The following PDLIM5 variants were observed in gnomAD, a reference collection of about 807,000 sequenced individuals.
The protein encoded by PDLIM5 is PDZ and LIM domain 5.
In PDLIM5, 34 loss-of-function variants were observed where a neutral mutation model predicts 64.2. The observed-to-expected ratio is 0.53, with a 90% CI of 0.40 to 0.71. PDLIM5 has a LOEUF of 0.71. PDLIM5 is among the 30% of genes least tolerant of loss of function. The probability of loss-of-function intolerance (pLI) is 0.00; values close to 1 mark genes in which losing one functional copy is unlikely to be tolerated. For synonymous variants in PDLIM5, 253 were observed against 269.1 expected, an observed-to-expected ratio of 0.94 and a Z score of 0.59; for missense variants, 683 against 733.6, an observed-to-expected ratio of 0.93 and a Z score of 0.80.
chr4:94,455,968 G>A (rs1723309625), intron 2 of PDLIM5: 5 of 1,484,938 alleles, frequency 3.4e-6, no homozygotes, highest in Admixed American at 2.3e-5. Flanking sequence ...TAGTTTGAAT[G>A]TATTCTGTGT....
chr4:94,616,459 C>T lies in PDLIM5; in HGVS notation c.921-1545C>T, dbSNP rs142037213. On this transcript the variant is annotated intron_variant, in intron 7 of 12. Coordinates refer to ENST00000317968, the MANE Select transcript of PDLIM5 (RefSeq NM_006457.5). ...AATGTTACTCGGTACACTTAAAGTACAGGTAACTGAGGCTTAGAGATGTAA... is the reference window on the plus strand; with the variant it reads ...AATGTTACTCGGTACACTTAAAGTATAGGTAACTGAGGCTTAGAGATGTAA... 3.5e-4 allele frequency among the ~76,000 whole-genome samples: 54 copies of T among 152,224 alleles called. 1 individual carries two copies. The East Asian group carries it at 0.01, about 29-fold the overall frequency.
rs574228041 is a variant in PDLIM5 at position 94,481,989 on chromosome 4, T to C, written c.96+26605T>C. Among the ~76,000 whole-genome samples, 5 of 152,286 alleles carry C rather than the reference T, an allele frequency of 3.3e-5. No homozygotes were observed. In the East Asian group the frequency reaches 7.7e-4, roughly 24 times the overall value. ...ATGCCTTGTCTGTGCTGGATTTCTTTAAATTTGGTACCAATTTACAGTAAT... is the reference window on the plus strand; with the variant it reads ...ATGCCTTGTCTGTGCTGGATTTCTTCAAATTTGGTACCAATTTACAGTAAT... On this transcript the variant is annotated intron_variant, in intron 2 of 12. Coordinates refer to ENST00000317968, the MANE Select transcript of PDLIM5 (RefSeq NM_006457.5).
chr4:94,581,785 C>T (rs1735753697), intron 5 of PDLIM5, among the ~76,000 whole-genome samples: 1 of 152,172 alleles, frequency 6.6e-6, no homozygotes, highest in Non-Finnish European at 1.5e-5. Flanking sequence ...TCTTTTCTAT[C>T]CCTACTGTAA....
At chr4:94,611,518 A>G (rs1246736656) in intron 7 of PDLIM5, among the ~76,000 whole-genome samples, 2 of 152,242 alleles carry the variant, frequency 1.3e-5, no homozygotes, top group South Asian at 4.1e-4. Flanking sequence ...ATATAGCTAT[A>G]TTAGAATCCT....
chr4:94,531,515 A>G (rs1730866152), intron 3 of PDLIM5, among the ~76,000 whole-genome samples: 1 of 152,184 alleles, frequency 6.6e-6, no homozygotes, highest in Non-Finnish European at 1.5e-5. Flanking sequence ...GCGATAGCTG[A>G]TGAGCTTAAA....
At chr4:94,655,985 C>T (rs1435235799) in intron 10 of PDLIM5, among the ~76,000 whole-genome samples, 1 of 152,096 alleles carries the variant, frequency 6.6e-6, no homozygotes, top group Non-Finnish European at 1.5e-5. Flanking sequence ...CTGTTTCTTC[C>T]CATTGTCCTT....
At chr4:94,480,561 T>G (rs1725756277) in intron 2 of PDLIM5, among the ~76,000 whole-genome samples, 1 of 152,132 alleles carries the variant, frequency 6.6e-6, no homozygotes, top group African/African-American at 2.4e-5. Context: ...GAGTGAAAAC[T>G]GCAGAGAAGG....
intron 2 of PDLIM5, among the ~76,000 whole-genome samples, chr4:94,466,571 C>CA (rs946860303): frequency 8.2e-4 from 123 of 149,464 alleles, no homozygotes; most frequent in African/African-American, 2.7e-3. Context: ...TTTGTAAAAA[C>CA]AAAAAAAAAA....
chr4:94,569,389 G>A (rs1560709890), intron 3 of PDLIM5, among the ~76,000 whole-genome samples: 4 of 152,074 alleles, frequency 2.6e-5, no homozygotes, highest in South Asian at 2.1e-4. Context: ...GCACAATCTC[G>A]GCTCACTGCA....
intron 2 of PDLIM5, among the ~76,000 whole-genome samples, chr4:94,469,960 A>ATTTTTT (rs34572366): frequency 9.8e-5 from 7 of 71,564 alleles, no homozygotes; most frequent in Admixed American, 4.5e-4. Flanking sequence ...CATTCTTTTA[A>ATTTTTT]TTTTTTTTTT....
intron 7 of PDLIM5, chr4:94,611,041 C>G: frequency 6.6e-7 from 1 of 1,517,124 alleles, no homozygotes; most frequent in Non-Finnish European, 8.8e-7. Context: ...TGATTTTTGA[C>G]TTAAAACTCT....
intron 8 of PDLIM5, among the ~76,000 whole-genome samples, chr4:94,632,881 C>T (rs574012977): frequency 6.6e-6 from 1 of 152,234 alleles, no homozygotes; most frequent in East Asian, 1.9e-4. Flanking sequence ...ATAGCCCTAC[C>T]AACACCTTGA....
chr4:94,490,659 A>G (rs1196777517), intron 2 of PDLIM5, among the ~76,000 whole-genome samples: 1 of 152,118 alleles, frequency 6.6e-6, no homozygotes, highest in Non-Finnish European at 1.5e-5. Flanking sequence ...AATTGTGTAA[A>G]TGTTAAATGA....
At chr4:94,520,750 A>C (rs931150389) in intron 2 of PDLIM5, among the ~76,000 whole-genome samples, 5 of 152,248 alleles carry the variant, frequency 3.3e-5, no homozygotes, top group African/African-American at 1.2e-4. Context: ...TCTTATGAGT[A>C]GGAAGCCTGG....
At chr4:94,640,762 A>G (rs1341656112) in intron 9 of PDLIM5, among the ~76,000 whole-genome samples, 1 of 152,152 alleles carries the variant, frequency 6.6e-6, no homozygotes, top group Non-Finnish European at 1.5e-5. Context: ...ACTCAAAGGG[A>G]CCCTGAAAGT....
intron 9 of PDLIM5, among the ~76,000 whole-genome samples, chr4:94,640,761 G>A (rs1015686045): frequency 6.6e-6 from 1 of 152,020 alleles, no homozygotes; most frequent in Non-Finnish European, 1.5e-5. Flanking sequence ...GACTCAAAGG[G>A]ACCCTGAAAG....
Position 94,610,077 on chromosome 4 carries a change from A to T in PDLIM5, c.921-7927A>T, listed in dbSNP as rs768659708. Reference sequence around the variant, plus strand: ...TATAATGCTTAGATATTAATATGAAATGGTTGCTCTCTTGTATTTATTATG... The same window carrying T: ...TATAATGCTTAGATATTAATATGAATTGGTTGCTCTCTTGTATTTATTATG... On this transcript the variant is annotated intron_variant, in intron 7 of 12. Coordinates refer to ENST00000317968, the MANE Select transcript of PDLIM5 (RefSeq NM_006457.5). The T allele has an allele frequency of 5.7e-6, 4 of 705,684 alleles. No homozygotes were observed. The African/African-American group carries it at 7.2e-5, about 13-fold the overall frequency. The allele number at this position is 705,684 out of a possible 1,614,324, so 43.7% of individuals were successfully genotyped here. A position where few individuals can be genotyped will look rare whatever the true frequency, so the allele number is the denominator to read the frequency against.
At chr4:94,607,971 A>G in intron 7 of PDLIM5, 1 of 880,854 alleles carries the variant, frequency 1.1e-6, no homozygotes, top group Non-Finnish European at 1.6e-6. Context: ...ACTAGTAGAC[A>G]TTTAAAAGAT....
intron 2 of PDLIM5, among the ~76,000 whole-genome samples, chr4:94,499,568 T>C (rs1028957154): frequency 6.6e-5 from 10 of 152,240 alleles, no homozygotes; most frequent in Non-Finnish European, 2.9e-5. Flanking sequence ...GCATGACAAG[T>C]AATCCAGAGA....
Sources: allele counts gnomAD v4.1 joint callset (sites outside exome capture counted in the v4.1 genomes callset), GRCh38; gene constraint gnomAD v4.1.1; transcripts MANE v1.5; gene names NCBI Gene and HGNC (gene_info 2026-07-23, HGNC 2026-07-21).